Variants in NRDC observed in about 807,000 individuals in gnomAD.
NRDC encodes the protein nardilysin.
In NRDC, 54 loss-of-function variants were observed where a neutral mutation model predicts 147.1. The ratio of observed to expected loss-of-function variants is 0.37; its 90% CI spans 0.29 to 0.46. NRDC has a LOEUF of 0.46. Among genes scored for constraint, NRDC ranks in the 20% least tolerant of loss-of-function variants. The pLI is 1.00. For synonymous variants in NRDC, 440 were observed against 482.1 expected, an observed-to-expected ratio of 0.91 and a Z score of 1.14; for missense variants, 1,082 against 1,370.6, an observed-to-expected ratio of 0.79 and a Z score of 3.33.
chr1:51,844,756 G>A (rs1323168058), intron 1 of NRDC, among the ~76,000 whole-genome samples: 2 of 129,632 alleles, frequency 1.5e-5, no homozygotes, highest in East Asian at 5.4e-4. Context: ...AGGAATTCCG[G>A]AAGGGAGGGA....
chr1:51,838,889 T>G (rs1035138738), intron 2 of NRDC, among the ~76,000 whole-genome samples: 2 of 152,078 alleles, frequency 1.3e-5, no homozygotes, highest in Admixed American at 1.3e-4. Context: ...TTTCCCCCAG[T>G]GTTTTGATGT....
chr1:51,789,230 G>C lies in NRDC; in HGVS notation c.*6C>G, dbSNP rs761086115. 4 of 1,613,040 alleles carry C rather than the reference G, an allele frequency of 2.5e-6. No homozygotes were observed. In the South Asian group the frequency reaches 4.4e-5, roughly 18 times the overall value. On this transcript the variant is annotated 3_prime_UTR_variant, in exon 31 of 31. Transcript: ENST00000352171. ...ATTGCTTCAGGCCAACGTGACTGCA[G>C]TTTATTTATTTGACTATTTTATGGT...
intron 21 of NRDC, among the ~76,000 whole-genome samples, chr1:51,800,175 A>G (rs1679126576): frequency 6.6e-6 from 1 of 152,142 alleles, no homozygotes; most frequent in South Asian, 2.1e-4. Flanking sequence ...AAGTCTTGCT[A>G]TATTGCCCAG....
chr1:51,792,038 T>C lies in NRDC; in HGVS notation c.2876+8A>G, dbSNP rs1279228073. ...ATTTGAGCTCAGTGGCCCTGCCAGCTGACTTACCCAAGGGTCTGCTTGGTT... is the reference window on the plus strand; with the variant it reads ...ATTTGAGCTCAGTGGCCCTGCCAGCCGACTTACCCAAGGGTCTGCTTGGTT... On this transcript the variant is annotated splice_region_variant and intron_variant, in intron 26 of 30. Transcript: ENST00000352171. 1 of 1,614,076 alleles carries C rather than the reference T, an allele frequency of 6.2e-7. No individual in the cohort carries two copies. The highest frequency in any genetic ancestry group is 1.7e-5 in the Admixed American group (1 of 60,018).
chr1:51,792,321 G>T, intron 25 of NRDC, 56 bp downstream of exon 25: 1 of 1,562,792 alleles, frequency 6.4e-7, no homozygotes, highest in Non-Finnish European at 8.8e-7. Context: ...AAAAGGCCGG[G>T]CCTCATAGTG....
intron 26 of NRDC, 115 bp downstream of exon 26, chr1:51,791,931 C>G: frequency 1.9e-6 from 2 of 1,064,674 alleles, no homozygotes; most frequent in South Asian, 2.7e-5. Flanking sequence ...TAAATATCAC[C>G]CTATGAGATG....
At chr1:51,834,304 T>C (rs142647384) in intron 3 of NRDC, 134 bp from the exon 4 acceptor site, 9 of 935,552 alleles carry the variant, frequency 9.6e-6, no homozygotes, top group Non-Finnish European at 1.3e-5. Flanking sequence ...TCTGAATTCT[T>C]TTTTTTTTCT....
At chr1:51,812,555 A>G (rs1007269251) in intron 14 of NRDC, among the ~76,000 whole-genome samples, 2 of 152,042 alleles carry the variant, frequency 1.3e-5, no homozygotes, top group Non-Finnish European at 2.9e-5. Flanking sequence ...AAGAAAATAT[A>G]GCCATAGCTA....
At chr1:51,799,356 C>T (rs1259374173) in intron 21 of NRDC, among the ~76,000 whole-genome samples, 1 of 151,850 alleles carries the variant, frequency 6.6e-6, no homozygotes, top group Non-Finnish European at 1.5e-5. Flanking sequence ...AGCACCCCCA[C>T]CCCCCAACAG....
chr1:51,872,137 C>T (rs1038554742), intron 1 of NRDC, among the ~76,000 whole-genome samples: 3 of 152,190 alleles, frequency 2.0e-5, no homozygotes, highest in Admixed American at 6.5e-5. Flanking sequence ...TCCCAAAGTG[C>T]TGGGATTACA....
intron 1 of NRDC, among the ~76,000 whole-genome samples, chr1:51,876,120 A>T (rs1270458347): frequency 6.6e-6 from 1 of 152,224 alleles, no homozygotes; most frequent in Non-Finnish European, 1.5e-5. Context: ...GCTGAAACAC[A>T]GTGTAGATTC....
At chr1:51,804,889 G>C (rs920445867) in intron 19 of NRDC, among the ~76,000 whole-genome samples, 6 of 152,038 alleles carry the variant, frequency 3.9e-5, no homozygotes, top group Non-Finnish European at 5.9e-5. Flanking sequence ...CCTATGTTCA[G>C]ACACATTTCC....
At chr1:51,836,428 C>T (rs370214507) in intron 2 of NRDC, 3 of 1,613,614 alleles carry the variant, frequency 1.9e-6, no homozygotes, top group Middle Eastern at 1.7e-4. Flanking sequence ...AAATGCTGAA[C>T]AGGTGCAGAC....
At chr1:51,852,694 G>A (rs1350361123) in intron 1 of NRDC, among the ~76,000 whole-genome samples, 1 of 151,578 alleles carries the variant, frequency 6.6e-6, no homozygotes, top group Non-Finnish European at 1.5e-5. Context: ...TGCTGCCCTG[G>A]AGTCTTAATT....
intron 1 of NRDC, among the ~76,000 whole-genome samples, chr1:51,859,071 C>T (rs1368801488): frequency 6.6e-6 from 1 of 152,106 alleles, no homozygotes; most frequent in African/African-American, 2.4e-5. Flanking sequence ...AAATTTTCTA[C>T]CTTATTTCAC....
chr1:51,856,045 CTGA>C (rs1163018794), intron 1 of NRDC, among the ~76,000 whole-genome samples: 3 of 152,124 alleles, frequency 2.0e-5, no homozygotes, highest in Non-Finnish European at 4.4e-5. Flanking sequence ...CTATCCAGTG[CTGA>C]TAAGTGGACA....
At chr1:51,831,728 G>A (rs1197252827) in intron 4 of NRDC, among the ~76,000 whole-genome samples, 3 of 151,764 alleles carry the variant, frequency 2.0e-5, no homozygotes, top group Admixed American at 2.0e-4. Context: ...ACAGGCCTGC[G>A]CCACCACACC....
At chr1:51,867,405 TA>T (rs907976826) in intron 1 of NRDC, among the ~76,000 whole-genome samples, 22 of 150,598 alleles carry the variant, frequency 1.5e-4, no homozygotes, top group Admixed American at 6.6e-4. Context: ...ATAAGTGCTA[TA>T]AAAAAAAAGA....
Position 51,821,504 on chromosome 1 carries a change from G to A in NRDC, c.1211C>T (p.Pro404Leu), listed in dbSNP as rs1490820555. The change falls in exon 8 of 31, where the codon CCA (proline) becomes CTA (leucine). Residue 404 changes from proline to leucine, a missense_variant. Physicochemically the swap from Pro to Leu is moderately conservative, Grantham distance 98 (BLOSUM62 -3). This residue lies in a region of NRDC where 635 missense variants were observed against 923.8 expected (regional missense o/e 0.69). Transcript: ENST00000352171. ...ATGAAAATAAATATCTTACTTGTTT[G>A]GTATCTGAGAGAAGATTTCAGTCAC... ...KWVTEIFSQI[P>L]NNGLPRPNFG... 2 of 1,592,854 alleles carry A rather than the reference G, an allele frequency of 1.3e-6. No homozygotes were observed. Among genetic ancestry groups the A allele is most frequent in the South Asian group, 2.2e-5 (2 of 90,574 alleles).
Sources: gnomAD v4.1 joint callset for allele counts (sites outside exome capture counted in the v4.1 genomes callset) on GRCh38, gnomAD v4.1.1 for gene constraint, gnomAD v4.1.1 regional missense constraint, MANE v1.5 for transcripts, NCBI Gene and HGNC (gene_info 2026-07-23, HGNC 2026-07-21) for gene names.